The following OSBPL8 variants were observed in gnomAD, a reference collection of about 807,000 sequenced individuals.
OSBPL8 encodes oxysterol-binding protein-related protein 8.
In OSBPL8, 59 loss-of-function variants were observed where a neutral mutation model predicts 125.5. The ratio of observed to expected loss-of-function variants is 0.47; its 90% CI spans 0.38 to 0.58. The LOEUF (loss-of-function observed/expected upper bound fraction) is 0.58, where lower values mean the gene tolerates loss of function less well. Ranked by LOEUF, OSBPL8 falls within the 20% of genes least tolerant of loss-of-function variation. OSBPL8 has a pLI of 0.00. For synonymous variants in OSBPL8, 330 were observed against 338.9 expected, an observed-to-expected ratio of 0.97 and a Z score of 0.29; for missense variants, 758 against 1,047.8, an observed-to-expected ratio of 0.72 and a Z score of 3.82.
chr12:76,388,891 A>G (rs901554401), intron 12 of OSBPL8, among the ~76,000 whole-genome samples: 1 of 152,270 alleles, frequency 6.6e-6, no homozygotes, highest in East Asian at 1.9e-4. Flanking sequence ...TTTATAGACA[A>G]AAACCGAAAA....
At chr12:76,494,618 G>A (rs936230157) in intron 1 of OSBPL8, among the ~76,000 whole-genome samples, 2 of 152,144 alleles carry the variant, frequency 1.3e-5, no homozygotes, top group Non-Finnish European at 2.9e-5. Context: ...ATGGCGTGAG[G>A]ATGAGAAAAG....
At chr12:76,530,775 T>G (rs1472399319) in intron 1 of OSBPL8, among the ~76,000 whole-genome samples, 1 of 152,142 alleles carries the variant, frequency 6.6e-6, no homozygotes, top group Non-Finnish European at 1.5e-5. Flanking sequence ...GAGCTAACTT[T>G]ATCATCAAGC....
intron 9 of OSBPL8, among the ~76,000 whole-genome samples, chr12:76,393,362 A>C (rs73383549): frequency 0.04 from 6,020 of 152,252 alleles, 360 homozygotes; most frequent in African/African-American, 0.13. Flanking sequence ...TTTGCTGGGA[A>C]TATCAGCCAA....
Position 76,386,641 on chromosome 12 carries a change from G to A in OSBPL8, c.1372C>T (p.Pro458Ser). The change falls in exon 13 of 24, where the codon CCT (proline) becomes TCT (serine). Residue 458 changes from proline (P) to serine (S), a missense_variant. Around this residue, in one of 3 missense-constraint regions of OSBPL8, gnomAD observed 572 missense variants for 762.0 expected, o/e 0.75. Coordinates refer to ENST00000261183, the MANE Select transcript of OSBPL8 (RefSeq NM_020841.5). Reference protein sequence around the residue: ...FLSEAALEENPYFRLKKVVKW... With the variant: ...FLSEAALEENSYFRLKKVVKW... ...ACTACTTTCTTCAAACGGAAATAAG[G>A]ATTTTCTTCAAGAGCTGCCCTAAAA... The A allele has an allele frequency of 6.2e-7, 1 of 1,605,080 alleles. No individual in the cohort carries two copies. Among genetic ancestry groups the A allele is most frequent in the Non-Finnish European group, 8.5e-7 (1 of 1,175,302 alleles).
At chr12:76,432,233 G>A (rs542282501) in intron 4 of OSBPL8, among the ~76,000 whole-genome samples, 17 of 152,086 alleles carry the variant, frequency 1.1e-4, no homozygotes, top group African/African-American at 4.1e-4. Flanking sequence ...TAAAATTTGT[G>A]GAATGTAGCA....
At chr12:76,379,337 A>C (rs1396838395) in intron 15 of OSBPL8, among the ~76,000 whole-genome samples, 3 of 152,132 alleles carry the variant, frequency 2.0e-5, no homozygotes, top group Non-Finnish European at 4.4e-5. Flanking sequence ...ATTTCTTCTA[A>C]GTTTTCTCCT....
At chr12:76,392,459 A>G in intron 10 of OSBPL8, 122 bp downstream of exon 10, 1 of 828,346 alleles carries the variant, frequency 1.2e-6, no homozygotes, top group African/African-American at 1.7e-5. Flanking sequence ...CCTAGGCCAT[A>G]TAATGGGAAG....
rs73383530 is a variant in OSBPL8 at position 76,355,514 on chromosome 12, G to A, written c.*375C>T. The A allele has an allele frequency of 6.5e-6, 1 of 154,866 alleles. No homozygotes were observed. The highest frequency in any genetic ancestry group is 2.4e-5 in the African/African-American group (1 of 41,514). 9.6% of individuals were successfully genotyped at this position (154,866 alleles called of 1,614,324 possible). A position where few individuals can be genotyped will look rare whatever the true frequency, so the allele number is the denominator to read the frequency against. Reference sequence around the variant, plus strand: ...ATTACATATATTTATAAGATTGATAGCATTTTTTGTTATGAACAATGTTAA... The same window carrying A: ...ATTACATATATTTATAAGATTGATAACATTTTTTGTTATGAACAATGTTAA... On this transcript the variant is annotated 3_prime_UTR_variant, in exon 24 of 24. Coordinates refer to ENST00000261183, the MANE Select transcript of OSBPL8 (RefSeq NM_020841.5).
intron 4 of OSBPL8, among the ~76,000 whole-genome samples, chr12:76,418,535 A>G (rs1011920139): frequency 1.3e-5 from 2 of 152,198 alleles, no homozygotes; most frequent in Admixed American, 6.5e-5. Flanking sequence ...ACCTATAACA[A>G]CAGCACATAT....
chr12:76,439,773 T>G (rs951677180), intron 4 of OSBPL8, among the ~76,000 whole-genome samples: 4 of 152,176 alleles, frequency 2.6e-5, no homozygotes, highest in Admixed American at 6.5e-5. Context: ...TTTTTGAAAT[T>G]TATTGGCTTA....
chr12:76,555,219 C>T (rs1391644441), intron 1 of OSBPL8, among the ~76,000 whole-genome samples: 1 of 152,072 alleles, frequency 6.6e-6, no homozygotes, highest in South Asian at 2.1e-4. Flanking sequence ...ACATTACAGG[C>T]AAAGACAATT....
At chr12:76,391,471 G>A (rs1048007069) in intron 10 of OSBPL8, among the ~76,000 whole-genome samples, 2 of 152,030 alleles carry the variant, frequency 1.3e-5, no homozygotes, top group African/African-American at 2.4e-5. Context: ...TAAAGCTCCA[G>A]ATCGTAGGTC....
chr12:76,358,817 G>GA lies in OSBPL8; in HGVS notation c.2329-7dup, dbSNP rs1952090144. 1.2e-6 allele frequency: 2 copies of GA among 1,608,854 alleles called. No individual in the cohort carries two copies. The highest frequency in any genetic ancestry group is 1.7e-6 in the Non-Finnish European group (2 of 1,175,754). On this transcript the variant is annotated splice_polypyrimidine_tract_variant and splice_region_variant and intron_variant, in intron 21 of 23. Transcript: ENST00000261183. ...TTCATTTTGGGGACGCTAACCTAAA[G>GA]AAAAAAATAACTATTTTGTGAATTT...
intron 1 of OSBPL8, among the ~76,000 whole-genome samples, chr12:76,553,700 A>G (rs1014368517): frequency 1.3e-5 from 2 of 150,262 alleles, no homozygotes; most frequent in East Asian, 3.9e-4. Context: ...AAAAGGCCAG[A>G]GGAGGTAGCT....
At chr12:76,494,057 T>C (rs1246055526) in intron 1 of OSBPL8, among the ~76,000 whole-genome samples, 1 of 152,196 alleles carries the variant, frequency 6.6e-6, no homozygotes, top group Non-Finnish European at 1.5e-5. Flanking sequence ...TCTGATTTCA[T>C]TGAGTTGTCT....
chr12:76,435,563 G>A (rs542258295), intron 4 of OSBPL8, among the ~76,000 whole-genome samples: 4 of 152,216 alleles, frequency 2.6e-5, no homozygotes, highest in African/African-American at 9.6e-5. Flanking sequence ...CCAAAAAATG[G>A]TAATGGTGAG....
chr12:76,462,974 A>T (rs1874931056), intron 2 of OSBPL8, among the ~76,000 whole-genome samples: 1 of 152,150 alleles, frequency 6.6e-6, no homozygotes, highest in Non-Finnish European at 1.5e-5. Flanking sequence ...GTTGTATAGG[A>T]CTTTGTAGGG....
At chr12:76,537,856 C>A (rs1195461704) in intron 1 of OSBPL8, 1 of 152,280 alleles carries the variant, frequency 6.6e-6, no homozygotes, top group African/African-American at 2.4e-5. Context: ...TTGCAGTGAG[C>A]TGAGATCGTG....
intron 22 of OSBPL8, among the ~76,000 whole-genome samples, chr12:76,357,462 G>T (rs1952028155): frequency 6.6e-6 from 1 of 152,164 alleles, no homozygotes; most frequent in South Asian, 2.1e-4. Flanking sequence ...TATGGGGTAT[G>T]TGACCTTAGG....
Sources: gnomAD v4.1 joint callset for allele counts (sites outside exome capture counted in the v4.1 genomes callset) on GRCh38, gnomAD v4.1.1 for gene constraint, gnomAD v4.1.1 regional missense constraint, MANE v1.5 for transcripts, NCBI Gene and HGNC (gene_info 2026-07-23, HGNC 2026-07-21) for gene names.